OPHN1: variants seen among roughly 807,000 people sequenced by gnomAD.
The protein encoded by OPHN1 is oligophrenin-1.
In OPHN1, 11 loss-of-function variants were observed where a neutral mutation model predicts 60.7. That is an observed-to-expected ratio of 0.18 (90% confidence interval 0.11 to 0.30). The LOEUF (loss-of-function observed/expected upper bound fraction) is 0.30. OPHN1 is among the 10% of genes least tolerant of loss of function. OPHN1 has a pLI of 1.00. For missense variants in OPHN1, 449 were observed against 611.0 expected (o/e 0.73, Z 2.80); for synonymous variants, 226 against 222.6 (o/e 1.02, Z -0.14).
intron 15 of OPHN1, among the ~76,000 whole-genome samples, chrX:68,173,183 C>T (rs959724439): frequency 9.0e-6 from 1 of 111,418 alleles, no homozygotes; most frequent in African/African-American, 3.3e-5. Flanking sequence ...GGCCTCAACT[C>T]ATTATCTCTC....
In OPHN1 at chrX:68,153,269, C is replaced by T. The variant is rs141451191; in HGVS notation, c.1277-33937G>A. Among the ~76,000 whole-genome samples, 458 of 109,534 alleles carry T rather than the reference C, an allele frequency of 4.2e-3. 3 individuals are homozygous for T. Among genetic ancestry groups the T allele is most frequent in the African/African-American group, 0.014 (436 of 30,225 alleles). ...AAGCAAATGGGCAAATTATTAATAGCTTGTTGTACCAGAAAAATCTCAAAC... is the reference window on the plus strand; with the variant it reads ...AAGCAAATGGGCAAATTATTAATAGTTTGTTGTACCAGAAAAATCTCAAAC... On this transcript the variant is annotated intron_variant, in intron 15 of 24. Transcript: ENST00000355520.
At chrX:68,073,379 T>C (rs1361807851) in intron 19 of OPHN1, 80 bp from the exon 20 acceptor site, 14 of 892,007 alleles carry the variant, frequency 1.6e-5, no homozygotes, top group Non-Finnish European at 2.0e-5. Context: ...CAGTTGATGC[T>C]TGTTGGCCTT....
In OPHN1 at chrX:68,073,160, T is replaced by A; in HGVS notation, c.1826A>T (p.Glu609Val). 8.3e-7 allele frequency: 1 copy of A among 1,208,243 alleles called. No individual in the cohort carries two copies. Among genetic ancestry groups the A allele is most frequent in the African/African-American group, 1.7e-5 (1 of 57,877 alleles). The change falls in exon 20 of 25, where the codon GAA (glutamate) becomes GTA (valine). Residue 609 changes from glutamate to valine, a missense_variant. Physicochemically the swap from Glu to Val is moderately radical, Grantham distance 121 (BLOSUM62 -2). Transcript: ENST00000355520. ...RTVFYTSSLD[E>V]SEDEIQHQTP... ...TGAACCTCAGTACTGACCTTCGCTT[T>A]CATCCAGGGAAGAAGTATAGAAAAC...
chrX:68,176,870 C>A (rs1178497727), intron 15 of OPHN1, among the ~76,000 whole-genome samples: 1 of 109,662 alleles, frequency 9.1e-6, no homozygotes, highest in Admixed American at 9.9e-5. Flanking sequence ...ATTTGTATAT[C>A]CATGTTTACA....
chrX:68,357,763 T>C (rs2078449708), intron 2 of OPHN1, among the ~76,000 whole-genome samples: 1 of 111,208 alleles, frequency 9.0e-6, no homozygotes. Flanking sequence ...TTTGGATATA[T>C]ACCCAGTAAT....
intron 2 of OPHN1, among the ~76,000 whole-genome samples, chrX:68,335,626 C>G (rs2078318501): frequency 9.0e-6 from 1 of 111,662 alleles, no homozygotes; most frequent in East Asian, 2.8e-4. Flanking sequence ...TGGTTATAGT[C>G]CTTGGTTTAT....
At chrX:68,424,028 G>A (rs187602898) in intron 2 of OPHN1, among the ~76,000 whole-genome samples, 357 of 110,435 alleles carry the variant, frequency 3.2e-3, no homozygotes, top group African/African-American at 0.011. Context: ...TTAGCCGGGC[G>A]TGGTGGCGGA....
At chrX:68,397,265 A>G (rs181381519) in intron 2 of OPHN1, among the ~76,000 whole-genome samples, 1 of 110,940 alleles carries the variant, frequency 9.0e-6, no homozygotes. Flanking sequence ...TAAACCAGGG[A>G]CCACAGTGGC....
intron 2 of OPHN1, among the ~76,000 whole-genome samples, chrX:68,342,326 T>C (rs1290760935): frequency 1.8e-5 from 2 of 111,508 alleles, no homozygotes; most frequent in Non-Finnish European, 3.8e-5. Flanking sequence ...ATGGTTTCTC[T>C]ATGTTCTTAT....
intron 19 of OPHN1, among the ~76,000 whole-genome samples, chrX:68,074,193 GC>G (rs774738305): frequency 1.8e-5 from 2 of 111,758 alleles, no homozygotes; most frequent in Non-Finnish European, 3.8e-5. Context: ...AAATGTCAGA[GC>G]CCAATATCCC....
At chrX:68,367,356 G>GA (rs61694272) in intron 2 of OPHN1, among the ~76,000 whole-genome samples, 13,997 of 74,852 alleles carry the variant, frequency 0.19, 1,495 homozygotes, top group African/African-American at 0.37. Context: ...TCTGTCTCGG[G>GA]AAAAAAAAAA....
intron 2 of OPHN1, among the ~76,000 whole-genome samples, chrX:68,365,860 A>C (rs184692583): frequency 5.1e-4 from 54 of 106,647 alleles, no homozygotes; most frequent in African/African-American, 1.8e-3. Flanking sequence ...TTTGGCTCAA[A>C]GAGACTAAGT....
At chrX:68,257,895 C>T (rs1298088606) in intron 5 of OPHN1, among the ~76,000 whole-genome samples, 1 of 110,577 alleles carries the variant, frequency 9.0e-6, no homozygotes, top group Non-Finnish European at 1.9e-5. Flanking sequence ...CCAGACATGA[C>T]TTTGAAGCCA....
intron 10 of OPHN1, among the ~76,000 whole-genome samples, chrX:68,204,540 G>C (rs2077549794): frequency 8.9e-6 from 1 of 111,896 alleles, no homozygotes; most frequent in Non-Finnish European, 1.9e-5. Context: ...TCATTTATTT[G>C]TAAAATTTAT....
intron 2 of OPHN1, among the ~76,000 whole-genome samples, chrX:68,414,219 C>G (rs1317341858): frequency 9.0e-6 from 1 of 111,390 alleles, no homozygotes; most frequent in Non-Finnish European, 1.9e-5. Flanking sequence ...CTATAAATAA[C>G]AATGCTAATC....
intron 19 of OPHN1, among the ~76,000 whole-genome samples, chrX:68,090,770 T>C (rs2077014485): frequency 9.0e-6 from 1 of 111,517 alleles, no homozygotes. Flanking sequence ...CAACCATCCA[T>C]GTCTGCAGAA....
chrX:68,274,960 T>C (rs2077985899), intron 4 of OPHN1, 151 bp from the exon 5 acceptor site: 3 of 415,489 alleles, frequency 7.2e-6, no homozygotes, highest in Non-Finnish European at 1.3e-5. Context: ...TTTGTTTCTA[T>C]ATTGTTTCTG....
intron 18 of OPHN1, 88 bp downstream of exon 18, chrX:68,111,766 A>T: frequency 1.6e-6 from 1 of 639,568 alleles, no homozygotes; most frequent in Non-Finnish European, 2.6e-6. Flanking sequence ...CTGGGGCTGA[A>T]AGAGCTGAGA....
chrX:68,210,419 T>A, intron 8 of OPHN1, 137 bp from the exon 9 acceptor site: 1 of 612,667 alleles, frequency 1.6e-6, no homozygotes, highest in Non-Finnish European at 2.5e-6. Context: ...AAATGGTGAA[T>A]GGCATAGTGA....
Sources: allele counts gnomAD v4.1 joint callset (sites outside exome capture counted in the v4.1 genomes callset), GRCh38; gene constraint gnomAD v4.1.1; transcripts MANE v1.5; gene names NCBI Gene and HGNC (gene_info 2026-07-23, HGNC 2026-07-21).